The following NEMP2 variants were observed in gnomAD, a reference collection of about 807,000 sequenced individuals.
NEMP2 encodes UPF0571 transmembrane protein.
A neutral mutation model predicts 54.2 loss-of-function variants in NEMP2; 53 were observed. That is an observed-to-expected ratio of 0.98 (90% confidence interval 0.78 to 1.23). The LOEUF is 1.23. Among genes scored for constraint, NEMP2 ranks in the 50% most tolerant of loss-of-function variants. The pLI, the probability that NEMP2 is intolerant of heterozygous loss-of-function variation, is 0.00. For synonymous variants in NEMP2, 197 were observed against 190.3 expected, an observed-to-expected ratio of 1.04 and a Z score of -0.29; for missense variants, 455 against 511.3, an observed-to-expected ratio of 0.89 and a Z score of 1.06.
chr2:190,485,631 C>CT, the NEMP2 span, among the ~76,000 whole-genome samples: 53 of 152,070 alleles, frequency 3.5e-4, no homozygotes, highest in Admixed American at 7.9e-4. The surrounding 1 kb of genome is among the most constrained non-coding windows in gnomAD (Gnocchi z 5.1). Context: ...CCATTAGGTA[C>CT]TATGGTGTCA....
At chr2:190,479,013 TA>T in the NEMP2 span, among the ~76,000 whole-genome samples, 1 of 152,184 alleles carries the variant, frequency 6.6e-6, no homozygotes, top group Non-Finnish European at 1.5e-5. Context: ...GGGTTGCATG[TA>T]ACTGCTGGTG....
At chr2:190,614,845 C>T in the NEMP2 span, among the ~76,000 whole-genome samples, 1 of 152,194 alleles carries the variant, frequency 6.6e-6, no homozygotes, top group Non-Finnish European at 1.5e-5. This position sits in a 1 kb window ranked among gnomAD's most constrained non-coding sequence, Gnocchi z 5.7. Flanking sequence ...AAACAATAGG[C>T]TCCCAGCATA....
chr2:190,603,706 G>A, the NEMP2 span, among the ~76,000 whole-genome samples: 1 of 151,248 alleles, frequency 6.6e-6, no homozygotes, highest in East Asian at 1.9e-4. Context: ...AAGCCTCTTA[G>A]AACAAAGTCA....
chr2:190,468,810 G>T, the NEMP2 span, among the ~76,000 whole-genome samples: 1 of 152,002 alleles, frequency 6.6e-6, no homozygotes, highest in Non-Finnish European at 1.5e-5. Context: ...ACTGATTATC[G>T]TGTTGGTTTA....
At chr2:190,454,999 TA>T in the NEMP2 span, among the ~76,000 whole-genome samples, 6,291 of 46,776 alleles carry the variant, frequency 0.13, 244 homozygotes, top group East Asian at 0.24. The surrounding 1 kb of genome is among the most constrained non-coding windows in gnomAD (Gnocchi z 4.6). Flanking sequence ...TGTATATGTA[TA>T]ATGTATATGT....
the NEMP2 span, among the ~76,000 whole-genome samples, chr2:190,427,335 C>G: frequency 6.6e-6 from 1 of 152,158 alleles, no homozygotes; most frequent in Non-Finnish European, 1.5e-5. Flanking sequence ...TTGTAGGCTC[C>G]CTGCTCAGCC....
chr2:190,551,334 C>T, the NEMP2 span, among the ~76,000 whole-genome samples: 1 of 151,826 alleles, frequency 6.6e-6, no homozygotes, highest in East Asian at 1.9e-4. Context: ...GTCAATTTCT[C>T]TCTAATGGTT....
chr2:190,480,974 G>A, the NEMP2 span, among the ~76,000 whole-genome samples: 1 of 152,252 alleles, frequency 6.6e-6, no homozygotes, highest in Non-Finnish European at 1.5e-5. Context: ...GCCTGGCTAT[G>A]AATTAAGCTG....
chr2:190,583,051 A>G, the NEMP2 span, among the ~76,000 whole-genome samples: 1 of 152,166 alleles, frequency 6.6e-6, no homozygotes, highest in East Asian at 1.9e-4. Context: ...GAAGTCATAG[A>G]TTATAAGACC....
chr2:190,484,668 G>A, the NEMP2 span, among the ~76,000 whole-genome samples: 6 of 152,116 alleles, frequency 3.9e-5, no homozygotes, highest in East Asian at 1.9e-4. Context: ...GTTTATGAAC[G>A]AGAACTGCAG....
chr2:190,600,610 G>C, the NEMP2 span, among the ~76,000 whole-genome samples: 1 of 152,026 alleles, frequency 6.6e-6, no homozygotes, highest in African/African-American at 2.4e-5. The surrounding 1 kb of genome is among the most constrained non-coding windows in gnomAD (Gnocchi z 4.9). Context: ...AGAGAGTCTG[G>C]CTTCCTTGGT....
At chr2:190,545,596 G>A in the NEMP2 span, among the ~76,000 whole-genome samples, 1 of 152,142 alleles carries the variant, frequency 6.6e-6, no homozygotes, top group Non-Finnish European at 1.5e-5. Flanking sequence ...TTCAGTTCTT[G>A]ATCATGCACT....
At chr2:190,571,585 G>C in the NEMP2 span, among the ~76,000 whole-genome samples, 1 of 151,552 alleles carries the variant, frequency 6.6e-6, no homozygotes. Context: ...TTTTCCTTTA[G>C]ACTCATAAGT....
the NEMP2 span, among the ~76,000 whole-genome samples, chr2:190,572,031 C>T: frequency 6.6e-6 from 1 of 152,024 alleles, no homozygotes; most frequent in African/African-American, 2.4e-5. Flanking sequence ...ATGAAATTGC[C>T]CAAATTGGGG....
chr2:190,621,512 A>T, the NEMP2 span, among the ~76,000 whole-genome samples: 1 of 152,272 alleles, frequency 6.6e-6, no homozygotes, highest in South Asian at 2.1e-4. Flanking sequence ...GGGTTGGAAG[A>T]CTTAATATTG....
the NEMP2 span, among the ~76,000 whole-genome samples, chr2:190,643,023 G>GTTTTTTTTTTTTTT: frequency 2.5e-5 from 2 of 79,566 alleles, 1 homozygote; most frequent in Non-Finnish European, 4.7e-5. Flanking sequence ...AATGGTTAAG[G>GTTTTTTTTTTTTTT]TTTTTTTTTT....
the NEMP2 span, among the ~76,000 whole-genome samples, chr2:190,634,845 T>C: frequency 2.6e-5 from 4 of 152,188 alleles, no homozygotes; most frequent in African/African-American, 9.6e-5. The surrounding 1 kb of genome is among the most constrained non-coding windows in gnomAD (Gnocchi z 6.8). Flanking sequence ...GCTGCTTTGG[T>C]TAAATCTCAA....
chr2:190,526,360 C>T (rs1690934687), intron 1 of NEMP2, among the ~76,000 whole-genome samples: 1 of 152,042 alleles, frequency 6.6e-6, no homozygotes, highest in South Asian at 2.1e-4. Flanking sequence ...GGTTAGCTTC[C>T]AGGCACTAAG....
chr2:190,531,588 A>C lies in NEMP2; in HGVS notation c.97+2971T>G, dbSNP rs1426840010. Among the ~76,000 whole-genome samples, 1 of 152,196 alleles carries C rather than the reference A, an allele frequency of 6.6e-6. No homozygotes were observed. Among genetic ancestry groups the C allele is most frequent in the Non-Finnish European group, 1.5e-5 (1 of 68,042 alleles). On this transcript the variant is annotated intron_variant, in intron 1 of 8. Coordinates refer to ENST00000409150, the MANE Select transcript of NEMP2 (RefSeq NM_001142645.2). The surrounding 1 kb of genome is among the most constrained non-coding windows in gnomAD (Gnocchi z 4.7). ...GGATTCAGAAAGTCAGGGTTCCCTT[A>C]ACCAATGAGATAGATTCCTTAGTTC...
Sources: allele counts gnomAD v4.1 joint callset (sites outside exome capture counted in the v4.1 genomes callset), GRCh38; gene constraint gnomAD v4.1.1; non-coding constraint Gnocchi (gnomAD v3.1); transcripts MANE v1.5; gene names NCBI Gene and HGNC (gene_info 2026-07-23, HGNC 2026-07-21).